Variants in ZNF680 observed in about 807,000 individuals in gnomAD.
ZNF680 encodes the protein zinc finger protein 680.
Under a neutral mutation model 12.1 loss-of-function variants are expected in ZNF680, and 6 were observed. That is an observed-to-expected ratio of 0.49 (90% CI 0.27 to 0.98). The LOEUF (loss-of-function observed/expected upper bound fraction) is 0.98, where lower values mean the gene tolerates loss of function less well. ZNF680 is among the 50% of genes least tolerant of loss of function. The pLI is 0.12. For synonymous variants in ZNF680, 170 were observed against 199.3 expected, an observed-to-expected ratio of 0.85 and a Z score of 1.24; for missense variants, 561 against 616.3, an observed-to-expected ratio of 0.91 and a Z score of 0.95.
intron 1 of ZNF680, among the ~76,000 whole-genome samples, chr7:64,556,070 T>C (rs2116551314): frequency 6.8e-6 from 1 of 147,928 alleles, no homozygotes; most frequent in East Asian, 2.0e-4. Flanking sequence ...ATCAGGGAGG[T>C]GAAAAATCTC....
At chr7:64,550,644 T>C (rs1403072562) in intron 1 of ZNF680, among the ~76,000 whole-genome samples, 1 of 152,200 alleles carries the variant, frequency 6.6e-6, no homozygotes, top group Non-Finnish European at 1.5e-5. Context: ...GGTCTGAAAA[T>C]ACAAGAATCA....
intron 1 of ZNF680, among the ~76,000 whole-genome samples, chr7:64,557,921 C>T (rs1348382712): frequency 6.6e-6 from 1 of 152,008 alleles, no homozygotes; most frequent in Non-Finnish European, 1.5e-5. Flanking sequence ...TGCATAGTAC[C>T]TCATTAACAA....
intron 1 of ZNF680, among the ~76,000 whole-genome samples, chr7:64,555,171 C>G (rs921158054): frequency 6.6e-6 from 1 of 152,024 alleles, no homozygotes. Flanking sequence ...CTTGGACAAA[C>G]AGTCCTACAA....
At chr7:64,562,848 G>T in intron 1 of ZNF680, 77 bp downstream of exon 1, 1 of 1,557,056 alleles carries the variant, frequency 6.4e-7, no homozygotes, top group Non-Finnish European at 8.8e-7. Flanking sequence ...TTGGAGCCTG[G>T]AGTCCTGCCA....
downstream of ZNF680, among the ~76,000 whole-genome samples, chr7:64,516,477 T>C (rs577809688): frequency 1.3e-4 from 20 of 152,104 alleles, no homozygotes; most frequent in Non-Finnish European, 2.1e-4. Flanking sequence ...AAACAATAAC[T>C]ATTAGACCTA....
chr7:64,499,749 A>C, the ZNF680 span, among the ~76,000 whole-genome samples: 1 of 152,216 alleles, frequency 6.6e-6, no homozygotes, highest in Non-Finnish European at 1.5e-5. Flanking sequence ...GTCTCAAAAA[A>C]ACAAAACAAA....
intron 3 of ZNF680, among the ~76,000 whole-genome samples, chr7:64,536,588 C>A (rs528409836): frequency 1.3e-5 from 2 of 152,200 alleles, no homozygotes; most frequent in African/African-American, 4.8e-5. Context: ...CCCACCAGGT[C>A]CCACATCCAA....
intron 3 of ZNF680, among the ~76,000 whole-genome samples, chr7:64,528,131 A>C (rs1785655236): frequency 6.6e-6 from 1 of 152,166 alleles, no homozygotes; most frequent in Admixed American, 6.5e-5. Flanking sequence ...GGGGTGGAAG[A>C]AGCAGCAGAA....
chr7:64,519,232 G>A (rs1026960968), downstream of ZNF680, among the ~76,000 whole-genome samples: 2 of 151,860 alleles, frequency 1.3e-5, no homozygotes, highest in African/African-American at 4.8e-5. Context: ...AGAAACATAT[G>A]GAAACTTGCT....
At chr7:64,508,125 A>ATGTGTG in the ZNF680 span, among the ~76,000 whole-genome samples, 5 of 79,858 alleles carry the variant, frequency 6.3e-5, no homozygotes, top group African/African-American at 2.5e-4. Flanking sequence ...TTTAAAATGT[A>ATGTGTG]TATATATATA....
the ZNF680 span, among the ~76,000 whole-genome samples, chr7:64,505,122 C>G: frequency 6.6e-6 from 1 of 152,202 alleles, no homozygotes; most frequent in Non-Finnish European, 1.5e-5. Flanking sequence ...AATGATCGAG[C>G]AAAGCCAAAA....
intron 3 of ZNF680, among the ~76,000 whole-genome samples, chr7:64,523,621 A>G (rs991782693): frequency 3.9e-5 from 6 of 152,208 alleles, no homozygotes; most frequent in Non-Finnish European, 8.8e-5. Flanking sequence ...GATTTATTAA[A>G]AGAATTTTAA....
rs551433583 is a variant in ZNF680, at chr7:64,522,568, A to G, written c.254-68T>C. 7.7e-5 allele frequency: 90 copies of G among 1,166,648 alleles called. No homozygotes were observed. In the African/African-American group the frequency reaches 1.3e-3, roughly 17 times the overall value. 72.3% of individuals were successfully genotyped at this position (1,166,648 alleles called of 1,614,324 possible). A position where few individuals can be genotyped will look rare whatever the true frequency, so the allele number is the denominator to read the frequency against. On this transcript the variant is annotated intron_variant, in intron 3 of 3. Transcript: ENST00000309683. ...CAGATGAATATATTTTACATATCAA[A>G]TTTATAAAATTACACAAACTACATA...
the ZNF680 span, among the ~76,000 whole-genome samples, chr7:64,510,631 C>T: frequency 2.6e-5 from 4 of 151,702 alleles, no homozygotes; most frequent in Non-Finnish European, 4.4e-5. Flanking sequence ...AAAATATCGG[C>T]CGGGCGCGGT....
Position 64,522,457 on chromosome 7 carries a change from G to A in ZNF680, c.297C>T (p.Ser99=), listed in dbSNP as rs1791598259. 6.3e-7 allele frequency: 1 copy of A among 1,585,268 alleles called. No individual in the cohort carries two copies. The highest frequency in any genetic ancestry group is 1.2e-5 in the South Asian group (1 of 85,012). Residue 99 remains serine, a synonymous_variant, in exon 4 of 4, where the codon AGC becomes AGT. Coordinates refer to ENST00000309683, the MANE Select transcript of ZNF680 (RefSeq NM_178558.5). The part of the protein sequence containing the change: ...HFTEDLWPEH[S]IKDSFQKVIL... ...TCACTTTTTGAAAAGAATCTTTTAT[G>A]CTATGCTCTGGCCAAAGGTCTTCAG...
intron 1 of ZNF680, chr7:64,561,129 G>A (rs7804897): frequency 0.23 from 34,470 of 152,702 alleles, 4,083 homozygotes; most frequent in South Asian, 0.28. Context: ...TGTGTCCCAA[G>A]GAAACGGAAG....
chr7:64,509,332 C>G, the ZNF680 span, among the ~76,000 whole-genome samples: 3 of 152,118 alleles, frequency 2.0e-5, no homozygotes, highest in African/African-American at 7.2e-5. Flanking sequence ...GCCCCACATC[C>G]TATGTGTAAA....
intron 1 of ZNF680, among the ~76,000 whole-genome samples, chr7:64,548,529 T>C (rs866013075): frequency 1.3e-5 from 2 of 152,232 alleles, no homozygotes; most frequent in African/African-American, 4.8e-5. Context: ...GTTTATCTAT[T>C]TGAGTCTCCA....
intron 1 of ZNF680, among the ~76,000 whole-genome samples, chr7:64,559,958 A>C (rs1176617658): frequency 6.6e-6 from 1 of 152,210 alleles, no homozygotes; most frequent in Non-Finnish European, 1.5e-5. Flanking sequence ...AAAATTTAGC[A>C]TAAAACTCAG....
Sources: allele counts gnomAD v4.1 joint callset (sites outside exome capture counted in the v4.1 genomes callset), GRCh38; gene constraint gnomAD v4.1.1; transcripts MANE v1.5; gene names NCBI Gene and HGNC (gene_info 2026-07-23, HGNC 2026-07-21).